The following PDE3B variants were observed in gnomAD, a reference collection of about 807,000 sequenced individuals.
PDE3B encodes the protein cGMP-inhibited 3',5'-cyclic phosphodiesterase 3B.
Under a neutral mutation model 116.8 loss-of-function variants are expected in PDE3B, and 66 were observed. The ratio of observed to expected loss-of-function variants is 0.56; its 90% CI spans 0.46 to 0.69. The LOEUF is 0.69. PDE3B is among the 30% of genes least tolerant of loss of function. The probability of loss-of-function intolerance (pLI) is 0.00; values close to 1 mark genes in which losing one functional copy is unlikely to be tolerated. For synonymous variants in PDE3B, 595 were observed against 533.6 expected, an observed-to-expected ratio of 1.12 and a Z score of -1.59; for missense variants, 1,384 against 1,368.1, an observed-to-expected ratio of 1.01 and a Z score of -0.18.
chr11:14,886,143 C>G, the PDE3B span: 2 of 544,984 alleles, frequency 3.7e-6, no homozygotes, highest in South Asian at 2.0e-5. Flanking sequence ...ACAGTCTTAC[C>G]AACAGTATAA....
chr11:14,869,802 C>A lies in PDE3B; in HGVS notation c.*142C>A. The A allele has an allele frequency of 4.7e-6, 3 of 637,360 alleles. No homozygotes were observed. In the South Asian group the frequency reaches 6.6e-5, roughly 14 times the overall value. 39.5% of individuals were successfully genotyped at this position (637,360 alleles called of 1,614,324 possible). A position where few individuals can be genotyped will look rare whatever the true frequency, so the allele number is the denominator to read the frequency against. ...CAGGCCTTAATACTGTGAGAGGATC[C>A]TTGCTCTGCTGGCAGTTTCCCACTC... On this transcript the variant is annotated 3_prime_UTR_variant, in exon 16 of 16. Coordinates refer to ENST00000282096, the MANE Select transcript of PDE3B (RefSeq NM_000922.4).
chr11:14,832,733 C>T lies in PDE3B; in HGVS notation c.2106C>T (p.Thr702=), dbSNP rs779427767. The change falls in exon 10 of 16, where the codon ACC becomes ACT. Residue 702 remains threonine (T), a synonymous_variant. Transcript: ENST00000282096. ...TAATTGACATTTAGGTTATGTATAC[C>T]TTATTTCAAGACACTGGTTTATTGG... The part of the protein sequence containing the change: ...SGRILSQVMY[T]LFQDTGLLEI... 1.5e-6 allele frequency: 2 copies of T among 1,301,372 alleles called. No homozygotes were observed. Among genetic ancestry groups the T allele is most frequent in the Admixed American group, 3.9e-5 (2 of 51,672 alleles). 80.6% of individuals were successfully genotyped at this position (1,301,372 alleles called of 1,614,324 possible). A position where few individuals can be genotyped will look rare whatever the true frequency, so the allele number is the denominator to read the frequency against.
chr11:14,812,694 C>G (rs1026227148), intron 5 of PDE3B, among the ~76,000 whole-genome samples: 2 of 152,172 alleles, frequency 1.3e-5, no homozygotes, highest in Admixed American at 6.5e-5. Context: ...AACCTTCTTA[C>G]AAATAAAATT....
rs181900958 is a variant in PDE3B, at chr11:14,822,074, A to T, written c.1807+2865A>T. On this transcript the variant is annotated intron_variant, in intron 7 of 15. Transcript: ENST00000282096. ...GCACCATGCCCGGCTAATTAAAAAA[A>T]TTTTTTTTTGTAGAGATGAGAACTC... is the stretch of plus-strand genomic sequence containing the variant. Among the ~76,000 whole-genome samples the T allele has an allele frequency of 8.6e-3, 1,306 of 151,502 alleles. 18 individuals are homozygous for T. Among genetic ancestry groups the T allele is most frequent in the African/African-American group, 0.03 (1,242 of 41,308 alleles).
the PDE3B span, among the ~76,000 whole-genome samples, chr11:14,882,676 T>G: frequency 6.6e-6 from 1 of 152,298 alleles, no homozygotes; most frequent in African/African-American, 2.4e-5. Context: ...TTGGAAGTTC[T>G]GGCCAGGGCA....
intron 1 of PDE3B, among the ~76,000 whole-genome samples, chr11:14,707,970 G>A (rs1222238521): frequency 6.6e-6 from 1 of 152,056 alleles, no homozygotes; most frequent in Non-Finnish European, 1.5e-5. Context: ...GCATCCCTTG[G>A]AAGGTAAGAC....
chr11:14,877,464 T>A, the PDE3B span: 1 of 152,128 alleles, frequency 6.6e-6, no homozygotes, highest in Non-Finnish European at 1.5e-5. Flanking sequence ...AAATATATTA[T>A]TGTAATGTCC....
chr11:14,766,048 T>G (rs1857485288), intron 1 of PDE3B, among the ~76,000 whole-genome samples: 1 of 151,582 alleles, frequency 6.6e-6, no homozygotes, highest in Admixed American at 6.6e-5. Flanking sequence ...TACCGCCAAC[T>G]ATGCATTCCG....
intron 14 of PDE3B, 97 bp from the exon 15 acceptor site, chr11:14,867,405 AGATT>A (rs1335344939): frequency 1.2e-5 from 11 of 931,760 alleles, no homozygotes; most frequent in Non-Finnish European, 1.8e-5. Context: ...ATTTTGATAT[AGATT>A]GTTTATTTTA....
rs371579278 is a variant in PDE3B at position 14,678,851 on chromosome 11, T to A, written c.978+33798T>A. 1.5e-4 allele frequency among the ~76,000 whole-genome samples: 23 copies of A among 152,186 alleles called. 1 individual carries two copies. Among genetic ancestry groups the A allele is most frequent in the Admixed American group, 1.3e-3 (20 of 15,280 alleles). On this transcript the variant is annotated intron_variant, in intron 1 of 15. Coordinates refer to ENST00000282096, the MANE Select transcript of PDE3B (RefSeq NM_000922.4). ...AACCACAGGACATGTATATTTTTTCTTATGTTTTCTTATAAATCTTATAAA... is the reference window on the plus strand; with the variant it reads ...AACCACAGGACATGTATATTTTTTCATATGTTTTCTTATAAATCTTATAAA...
At chr11:14,865,945 T>C (rs1848035792) in intron 14 of PDE3B, among the ~76,000 whole-genome samples, 1 of 152,158 alleles carries the variant, frequency 6.6e-6, no homozygotes, top group African/African-American at 2.4e-5. Flanking sequence ...GCATATAGAA[T>C]TAATACTTAT....
At chr11:14,690,403 A>C (rs1189534259) in intron 1 of PDE3B, among the ~76,000 whole-genome samples, 2 of 152,206 alleles carry the variant, frequency 1.3e-5, no homozygotes, top group Middle Eastern at 3.2e-3. Context: ...TATTTATAGA[A>C]AACCTTACAT....
intron 11 of PDE3B, among the ~76,000 whole-genome samples, chr11:14,842,129 T>C (rs578168113): frequency 1.3e-5 from 2 of 152,310 alleles, no homozygotes; most frequent in South Asian, 2.1e-4. Context: ...GATTAGGCCA[T>C]CTGTGAATAA....
At chr11:14,813,040 C>T (rs2133944601) in intron 5 of PDE3B, among the ~76,000 whole-genome samples, 1 of 152,284 alleles carries the variant, frequency 6.6e-6, no homozygotes, top group South Asian at 2.1e-4. Context: ...AGTGGGCCAT[C>T]ATCAGACACC....
At chr11:14,688,632 A>G (rs1164701519) in intron 1 of PDE3B, among the ~76,000 whole-genome samples, 1 of 152,100 alleles carries the variant, frequency 6.6e-6, no homozygotes, top group African/African-American at 2.4e-5. Flanking sequence ...TTATTTGTTC[A>G]TTTTTGATAA....
chr11:14,880,758 A>G, the PDE3B span: 1 of 1,607,790 alleles, frequency 6.2e-7, no homozygotes, highest in South Asian at 1.1e-5. Context: ...CATATCTGGA[A>G]TTGAGTAAGC....
chr11:14,731,797 G>A (rs1018412001), intron 1 of PDE3B, among the ~76,000 whole-genome samples: 5 of 152,146 alleles, frequency 3.3e-5, no homozygotes, highest in African/African-American at 1.2e-4. Context: ...AGCGCCTAGT[G>A]TGTTCTGTGC....
intron 1 of PDE3B, among the ~76,000 whole-genome samples, chr11:14,756,994 T>A (rs1321632345): frequency 7.7e-6 from 1 of 129,070 alleles, no homozygotes; most frequent in Non-Finnish European, 1.6e-5. Context: ...GATATTCCCC[T>A]TCCTGTGTCC....
chr11:14,879,004 A>G, the PDE3B span: 3 of 884,168 alleles, frequency 3.4e-6, no homozygotes, highest in Non-Finnish European at 5.4e-6. Flanking sequence ...CTGTGTTTTT[A>G]GAATTGGGAT....
Sources: gnomAD v4.1 joint callset for allele counts (sites outside exome capture counted in the v4.1 genomes callset) on GRCh38, gnomAD v4.1.1 for gene constraint, MANE v1.5 for transcripts, NCBI Gene and HGNC (gene_info 2026-07-23, HGNC 2026-07-21) for gene names.